Variants in PLXNB2 observed in about 807,000 individuals in gnomAD.
PLXNB2 encodes plexin B2.
Under a neutral mutation model 202.6 loss-of-function variants are expected in PLXNB2, and 85 were observed. The observed-to-expected ratio is 0.42, with a 90% CI of 0.35 to 0.50. PLXNB2 has a LOEUF of 0.50. Ranked by LOEUF, PLXNB2 falls within the 20% of genes least tolerant of loss-of-function variation. The pLI is 0.02. For synonymous variants in PLXNB2, 1,239 were observed against 1,137.6 expected, an observed-to-expected ratio of 1.09 and a Z score of -1.79; for missense variants, 2,063 against 2,586.2, an observed-to-expected ratio of 0.80 and a Z score of 4.39.
chr22:50,288,843 G>GTGGCACCCC lies in PLXNB2; in HGVS notation c.1279_1280insGGGGTGCCA (p.Ser427delinsTrpGlyAlaThr). On this transcript the variant is annotated protein_altering_variant, in exon 5 of 37. Transcript: ENST00000359337. This position sits in a 1 kb window ranked among gnomAD's most constrained non-coding sequence, Gnocchi z 5.0. ...CTCCACAAGGATAGAGTCGTACTCT[G>GTGGCACCCC]AGGAGGTGCCATCTGGGGTGAGGTA... 1 of 1,613,428 alleles carries GTGGCACCCC rather than the reference G, an allele frequency of 6.2e-7. No individual in the cohort carries two copies. The highest frequency in any genetic ancestry group is 8.5e-7 in the Non-Finnish European group (1 of 1,179,966).
At chr22:50,293,640 G>A (rs1271990702) in intron 2 of PLXNB2, among the ~76,000 whole-genome samples, 1 of 152,236 alleles carries the variant, frequency 6.6e-6, no homozygotes, top group African/African-American at 2.4e-5. Flanking sequence ...GCAGCGCGGG[G>A]GCGGGGCCCA....
chr22:50,281,531 G>C (rs555066660), intron 21 of PLXNB2, 32 bp from the exon 22 acceptor site: 19 of 1,606,668 alleles, frequency 1.2e-5, no homozygotes, highest in Admixed American at 3.3e-5. Flanking sequence ...GCGCGGTCCC[G>C]TGGGGGCACC....
At chr22:50,304,636 C>T (rs1315231616) in intron 1 of PLXNB2, among the ~76,000 whole-genome samples, 1 of 152,018 alleles carries the variant, frequency 6.6e-6, no homozygotes, top group African/African-American at 2.4e-5. Context: ...CTCCCCGGGG[C>T]CCCAGAGCCT....
chr22:50,276,472 T>C (rs1178480269), intron 35 of PLXNB2, among the ~76,000 whole-genome samples, 157 bp downstream of exon 35: 1 of 130,260 alleles, frequency 7.7e-6, no homozygotes, highest in African/African-American at 2.8e-5. Flanking sequence ...CACGCAGCTG[T>C]GGCTCACTTC....
intron 1 of PLXNB2, among the ~76,000 whole-genome samples, chr22:50,296,706 G>T (rs1332072892): frequency 6.6e-6 from 1 of 152,000 alleles, no homozygotes; most frequent in African/African-American, 2.4e-5. Flanking sequence ...TACAACCAAG[G>T]TTCAGCTACT....
chr22:50,296,854 G>A (rs1380734910), intron 1 of PLXNB2, among the ~76,000 whole-genome samples: 1 of 152,100 alleles, frequency 6.6e-6, no homozygotes, highest in Non-Finnish European at 1.5e-5. Flanking sequence ...CGGGACCCGG[G>A]GTTGGACATG....
At position 50,285,975 on chromosome 22, in the gene PLXNB2, C is replaced by T. The variant is rs2066426610; in HGVS notation, c.1986+15G>A. 6.2e-7 allele frequency: 1 copy of T among 1,609,490 alleles called. No individual in the cohort carries two copies. The highest frequency in any genetic ancestry group is 2.2e-5 in the East Asian group (1 of 44,848). On this transcript the variant is annotated intron_variant, in intron 10 of 36. Coordinates refer to ENST00000359337, the MANE Select transcript of PLXNB2 (RefSeq NM_012401.4). ...CATGCCCTGAACAGTCCCCTGAGGC[C>T]CCGAGGCCCCTCACCATGTGGGCAC...
intron 1 of PLXNB2, among the ~76,000 whole-genome samples, chr22:50,301,739 G>A (rs969264468): frequency 3.3e-5 from 5 of 152,230 alleles, no homozygotes; most frequent in East Asian, 1.9e-4. Flanking sequence ...GGGGGTGGAC[G>A]GGTGAGGCCC....
rs762097945 is a variant in PLXNB2 at position 50,284,120 on chromosome 22, C to T, written c.2263+12G>A. ...TCCCCTGCCCGCCCCCCACTGCGCC[C>T]GTGGCCCCCACCATGGAGCTTGCTG... On this transcript the variant is annotated intron_variant, in intron 13 of 36. Transcript: ENST00000359337. This position sits in a 1 kb window ranked among gnomAD's most constrained non-coding sequence, Gnocchi z 8.0. 34 of 1,609,726 alleles carry T rather than the reference C, an allele frequency of 2.1e-5. No individual in the cohort carries two copies. Among genetic ancestry groups the T allele is most frequent in the Middle Eastern group, 3.3e-4 (2 of 6,056 alleles).
At chr22:50,282,132 T>C (rs1471242995) in intron 19 of PLXNB2, 51 bp from the exon 20 acceptor site, 1 of 1,603,888 alleles carries the variant, frequency 6.2e-7, no homozygotes, top group Non-Finnish European at 8.5e-7. Context: ...CCGCCCTTCC[T>C]GGGCACGATC....
rs1275496634 is a variant in PLXNB2 at position 50,278,134 on chromosome 22, G to A, written c.4870C>T (p.Arg1624Trp). The A allele has an allele frequency of 6.2e-7, 1 of 1,602,720 alleles. No homozygotes were observed. Among genetic ancestry groups the A allele is most frequent in the Non-Finnish European group, 8.5e-7 (1 of 1,179,738 alleles). Residue 1624 changes from arginine to tryptophan, a missense_variant, in exon 31 of 37, where the codon CGG becomes TGG. Physicochemically the swap from Arg to Trp is moderately radical, Grantham distance 101. Transcript: ENST00000359337. Reference protein sequence around the residue: ...TKAITEIYLTRLLSVKGTLQQ... With the variant: ...TKAITEIYLTWLLSVKGTLQQ... Reference sequence around the variant, plus strand: ...GGGCCCACCTTGACTGAGAGCAGCCGCGTCAGGTAGATCTCGGTGATGGCC... The same window carrying A: ...GGGCCCACCTTGACTGAGAGCAGCCACGTCAGGTAGATCTCGGTGATGGCC...
At position 50,300,339 on chromosome 22, in the gene PLXNB2, G is replaced by C. The variant is rs1055538862; in HGVS notation, c.-73-5561C>G. ...ACCTAAGTCCTCCGAGCCGTGGAAG[G>C]GGCGCGGGGAGCAGCTCCGCCCCGC... is the stretch of plus-strand genomic sequence containing the variant. On this transcript the variant is annotated intron_variant, in intron 1 of 36. Coordinates refer to ENST00000359337, the MANE Select transcript of PLXNB2 (RefSeq NM_012401.4). 1.5e-5 allele frequency: 15 copies of C among 985,122 alleles called. No homozygotes were observed. The African/African-American group carries it at 2.4e-4, about 16-fold the overall frequency. The allele number at this position is 985,122 out of a possible 1,614,324, so 61.0% of individuals were successfully genotyped here.
chr22:50,281,791 G>A, intron 20 of PLXNB2, 49 bp from the exon 21 acceptor site: 1 of 1,572,662 alleles, frequency 6.4e-7, no homozygotes, highest in Non-Finnish European at 8.6e-7. Context: ...CCAGGGACAG[G>A]TGGACCAGCT....
intron 1 of PLXNB2, among the ~76,000 whole-genome samples, chr22:50,295,102 C>T (rs938697892): frequency 1.2e-4 from 18 of 152,164 alleles, no homozygotes; most frequent in African/African-American, 3.9e-4. Context: ...GGGAGGATCA[C>T]GAGGTCAGGA....
intron 2 of PLXNB2, among the ~76,000 whole-genome samples, chr22:50,293,955 CG>C (rs1473200473): frequency 6.6e-6 from 1 of 152,246 alleles, no homozygotes; most frequent in Non-Finnish European, 1.5e-5. Flanking sequence ...GGGTGGCAGG[CG>C]CGGCTGGGGT....
Position 50,307,401 on chromosome 22 carries a change from G to A in PLXNB2, c.-74+152C>T, listed in dbSNP as rs2067928701. On this transcript the variant is annotated intron_variant, in intron 1 of 36. Transcript: ENST00000359337. ...GCCTCGCCGGATGGACCGACGGACGGGGCCCAGGCCCCGGGAGCCCTCCGC... is the reference window on the plus strand; with the variant it reads ...GCCTCGCCGGATGGACCGACGGACGAGGCCCAGGCCCCGGGAGCCCTCCGC... Among the ~76,000 whole-genome samples the A allele has an allele frequency of 2.6e-5, 4 of 151,278 alleles. No homozygotes were observed. The South Asian group carries it at 8.3e-4, about 31-fold the overall frequency.
Position 50,287,271 on chromosome 22 carries a change from G to T in PLXNB2, c.1609-7C>A, listed in dbSNP as rs1220239923. 6.7e-7 allele frequency: 1 copy of T among 1,495,926 alleles called. No homozygotes were observed. Among genetic ancestry groups the T allele is most frequent in the Non-Finnish European group, 8.9e-7 (1 of 1,117,588 alleles). 92.7% of individuals were successfully genotyped at this position (1,495,926 alleles called of 1,614,324 possible). A position where few individuals can be genotyped will look rare whatever the true frequency, so the allele number is the denominator to read the frequency against. On this transcript the variant is annotated splice_region_variant and splice_polypyrimidine_tract_variant and intron_variant, in intron 7 of 36. Transcript: ENST00000359337. ...GGCTGACGGTCAGCTGCACCTGAGGGAGGGGCCGTGCCGCTCACACTGGGA... is the reference window on the plus strand; with the variant it reads ...GGCTGACGGTCAGCTGCACCTGAGGTAGGGGCCGTGCCGCTCACACTGGGA...
At chr22:50,286,454 T>C (rs933121728) in intron 8 of PLXNB2, among the ~76,000 whole-genome samples, 167 bp from the exon 9 acceptor site, 2 of 151,960 alleles carry the variant, frequency 1.3e-5, no homozygotes, top group Non-Finnish European at 2.9e-5. Context: ...CCACCTGCTA[T>C]CAGATCTCGG....
At position 50,279,629 on chromosome 22, in the gene PLXNB2, C is replaced by T. The variant is rs2147350199; in HGVS notation, c.4389+1G>A. On this transcript the variant is annotated splice_donor_variant, in intron 27 of 36. Coordinates refer to ENST00000359337, the MANE Select transcript of PLXNB2 (RefSeq NM_012401.4). LOFTEE classifies it high-confidence loss of function. ...TGGCGGCCCCCACCCCAGAAGCTCA[C>T]CAGGGGTGCGTACTCCACATCATCC... 1 of 1,613,466 alleles carries T rather than the reference C, an allele frequency of 6.2e-7. No individual in the cohort carries two copies. The highest frequency in any genetic ancestry group is 8.5e-7 in the Non-Finnish European group (1 of 1,179,770).
Sources: allele counts gnomAD v4.1 joint callset (sites outside exome capture counted in the v4.1 genomes callset), GRCh38; gene constraint gnomAD v4.1.1; non-coding constraint Gnocchi (gnomAD v3.1); transcripts MANE v1.5; gene names NCBI Gene and HGNC (gene_info 2026-07-23, HGNC 2026-07-21).